PDE3A: variants seen among roughly 807,000 people sequenced by gnomAD.
The protein encoded by PDE3A is phosphodiesterase 3A.
In PDE3A, 43 loss-of-function variants were observed where a neutral mutation model predicts 98.3. The observed-to-expected ratio is 0.44, with a 90% CI of 0.34 to 0.56. The LOEUF (loss-of-function observed/expected upper bound fraction) is 0.56, where lower values mean the gene tolerates loss of function less well. Ranked by LOEUF, PDE3A falls within the 20% of genes least tolerant of loss-of-function variation. The pLI is 0.01. For synonymous variants in PDE3A, 663 were observed against 567.9 expected (o/e 1.17, Z -2.38); for missense variants, 1,427 against 1,440.7 (o/e 0.99, Z 0.15).
chr12:20,610,998 G>A lies in PDE3A; in HGVS notation c.1012-2445G>A, dbSNP rs544416020. 1.0e-3 allele frequency among the ~76,000 whole-genome samples: 156 copies of A among 151,878 alleles called. 6 individuals carry two copies. The South Asian group carries it at 0.03, about 29-fold the overall frequency. The stretch of plus-strand genomic sequence containing the variant: ...AATGTACATGAGGATTACAGTTAAC[G>A]AAATTGTATTGTATTACAGATTTTT... On this transcript the variant is annotated intron_variant, in intron 2 of 15. Transcript: ENST00000359062.
At chr12:20,662,339 G>T (rs755695463) in intron 15 of PDE3A, among the ~76,000 whole-genome samples, 2 of 151,704 alleles carry the variant, frequency 1.3e-5, no homozygotes, top group Non-Finnish European at 2.9e-5. Flanking sequence ...TGAGGAACTT[G>T]TTGAGAACTG....
intron 1 of PDE3A, among the ~76,000 whole-genome samples, chr12:20,462,943 T>A (rs1252364503): frequency 6.6e-6 from 1 of 151,970 alleles, no homozygotes; most frequent in East Asian, 1.9e-4. Context: ...GGCTAATTTT[T>A]AATTTTTTTG....
chr12:20,394,421 A>G (rs1298010341), intron 1 of PDE3A, among the ~76,000 whole-genome samples: 1 of 152,030 alleles, frequency 6.6e-6, no homozygotes, highest in Non-Finnish European at 1.5e-5. Flanking sequence ...CTTTTTCATG[A>G]GTTGGGATAA....
At chr12:20,580,306 C>A (rs1203948175) in intron 2 of PDE3A, among the ~76,000 whole-genome samples, 1 of 152,018 alleles carries the variant, frequency 6.6e-6, no homozygotes, top group East Asian at 1.9e-4. Flanking sequence ...TCAAAACTTA[C>A]AACTTGTATT....
chr12:20,587,541 C>T (rs949578670), intron 2 of PDE3A, among the ~76,000 whole-genome samples: 1 of 151,914 alleles, frequency 6.6e-6, no homozygotes, highest in Non-Finnish European at 1.5e-5. Flanking sequence ...ATTCAGTTGA[C>T]CTGTTTGTCT....
chr12:20,514,558 A>G (rs1005054538), intron 1 of PDE3A, among the ~76,000 whole-genome samples: 2 of 152,354 alleles, frequency 1.3e-5, no homozygotes, highest in Middle Eastern at 3.4e-3. Context: ...TGTTTCTACA[A>G]TATTTGAGCT....
chr12:20,451,372 C>T (rs1945061300), intron 1 of PDE3A, among the ~76,000 whole-genome samples: 2 of 152,188 alleles, frequency 1.3e-5, no homozygotes, highest in Non-Finnish European at 2.9e-5. Context: ...CTCCTGGGTA[C>T]AAGCAATTCT....
chr12:20,638,306 T>A (rs1255049492), intron 9 of PDE3A, among the ~76,000 whole-genome samples: 1 of 152,176 alleles, frequency 6.6e-6, no homozygotes, highest in East Asian at 1.9e-4. Flanking sequence ...TACAAGCACA[T>A]ATGGCTGTCT....
At chr12:20,381,709 A>G (rs1244754443) in intron 1 of PDE3A, among the ~76,000 whole-genome samples, 1 of 151,924 alleles carries the variant, frequency 6.6e-6, no homozygotes, top group Non-Finnish European at 1.5e-5. Flanking sequence ...ATGTATGCTA[A>G]TAGCAATCTT....
At chr12:20,401,443 G>T (rs1944128813) in intron 1 of PDE3A, among the ~76,000 whole-genome samples, 1 of 144,386 alleles carries the variant, frequency 6.9e-6, no homozygotes, top group Non-Finnish European at 1.6e-5. Flanking sequence ...TTAACATTCA[G>T]TCATTTTAAA....
At chr12:20,455,786 A>G (rs1303284767) in intron 1 of PDE3A, among the ~76,000 whole-genome samples, 1 of 152,142 alleles carries the variant, frequency 6.6e-6, no homozygotes, top group Non-Finnish European at 1.5e-5. Flanking sequence ...ATTCAAAAAC[A>G]TTAAAAAGAT....
intron 2 of PDE3A, among the ~76,000 whole-genome samples, chr12:20,602,849 T>C (rs1943624324): frequency 6.6e-6 from 1 of 152,222 alleles, no homozygotes; most frequent in Non-Finnish European, 1.5e-5. Flanking sequence ...TTTAAAAATT[T>C]CCCAACCAAC....
chr12:20,417,811 C>G (rs747951263), intron 1 of PDE3A, among the ~76,000 whole-genome samples: 79 of 152,162 alleles, frequency 5.2e-4, no homozygotes, highest in Non-Finnish European at 3.1e-4. Flanking sequence ...AGGCAGCGTA[C>G]TTAGATAATC....
intron 3 of PDE3A, among the ~76,000 whole-genome samples, chr12:20,615,344 G>A (rs1193988999): frequency 1.3e-5 from 2 of 152,120 alleles, no homozygotes; most frequent in African/African-American, 4.8e-5. Flanking sequence ...GGAACAGCAG[G>A]TTGGCCAGCA....
chr12:20,467,987 C>T (rs1165294731), intron 1 of PDE3A, among the ~76,000 whole-genome samples: 5 of 95,426 alleles, frequency 5.2e-5, no homozygotes, highest in Admixed American at 1.5e-4. Flanking sequence ...AAAAGAGTTG[C>T]TTAATGGATG....
intron 1 of PDE3A, among the ~76,000 whole-genome samples, chr12:20,520,398 T>A (rs1402881580): frequency 6.6e-6 from 1 of 152,188 alleles, no homozygotes; most frequent in Non-Finnish European, 1.5e-5. Context: ...TTGGCTTTAT[T>A]TTTTCCTGAA....
intron 15 of PDE3A, among the ~76,000 whole-genome samples, chr12:20,676,265 G>T (rs1023108540): frequency 1.3e-5 from 2 of 152,080 alleles, no homozygotes; most frequent in African/African-American, 2.4e-5. Flanking sequence ...TGGTCTAGTG[G>T]TGATGAATTC....
At chr12:20,664,598 T>C (rs1025423628) in intron 15 of PDE3A, among the ~76,000 whole-genome samples, 1 of 152,166 alleles carries the variant, frequency 6.6e-6, no homozygotes, top group African/African-American at 2.4e-5. Context: ...ATGAGGGCAG[T>C]TTCCCCCATA....
At chr12:20,553,776 G>T (rs983161878) in intron 1 of PDE3A, among the ~76,000 whole-genome samples, 2 of 152,218 alleles carry the variant, frequency 1.3e-5, no homozygotes. Flanking sequence ...ATGAAGTCAC[G>T]TGCAAGTGCC....
Sources: gnomAD v4.1 joint callset for allele counts (sites outside exome capture counted in the v4.1 genomes callset) on GRCh38, gnomAD v4.1.1 for gene constraint, MANE v1.5 for transcripts, NCBI Gene and HGNC (gene_info 2026-07-23, HGNC 2026-07-21) for gene names.